The following SACS variants were observed in gnomAD, a reference collection of about 807,000 sequenced individuals.
SACS encodes the protein sacsin.
A neutral mutation model predicts 348.0 loss-of-function variants in SACS; 197 were observed. The observed-to-expected ratio is 0.57, with a 90% confidence interval of 0.50 to 0.64. The LOEUF is 0.64. Among genes scored for constraint, SACS ranks in the 30% least tolerant of loss-of-function variants. The pLI, the probability that SACS is intolerant of heterozygous loss-of-function variation, is 0.00. For synonymous variants in SACS, 1,985 were observed against 1,910.6 expected (o/e 1.04, Z -1.02); for missense variants, 4,999 against 5,360.8 (o/e 0.93, Z 2.11).
In SACS at chr13:23,384,983, C is replaced by T. The variant is rs146061406; in HGVS notation, c.21-9714G>A. 9.2e-5 allele frequency among the ~76,000 whole-genome samples: 14 copies of T among 152,072 alleles called. No homozygotes were observed. The South Asian group carries it at 1.5e-3, about 16-fold the overall frequency. On this transcript the variant is annotated intron_variant, in intron 2 of 9. Coordinates refer to ENST00000382292, the MANE Select transcript of SACS (RefSeq NM_014363.6). ...GTCTTTAAAAATGTACATTCCTGGC[C>T]GGGCATGGTGGCTCACGCCTGTAAT...
In SACS at chr13:23,335,919, T is replaced by C. The variant is rs747127367; in HGVS notation, c.7957A>G (p.Arg2653Gly). 4.3e-6 allele frequency: 7 copies of C among 1,612,844 alleles called. No individual in the cohort carries two copies. The highest frequency in any genetic ancestry group is 5.9e-6 in the Non-Finnish European group (7 of 1,179,052). The change falls in exon 10 of 10, where the codon AGA becomes GGA. Residue 2653 changes from arginine (R) to glycine (G), a missense_variant. Transcript: ENST00000382292. This position sits in a 1 kb window ranked among gnomAD's most constrained non-coding sequence, Gnocchi z 4.7. Reference protein sequence around the residue: ...DILCIFDPHARYAPGATSISP... With the variant: ...DILCIFDPHAGYAPGATSISP... ...ATGGATGTGGCCCCTGGTGCATATC[T>C]GGCATGAGGATCAAAAATACACAGG...
chr13:23,374,804 A>G (rs1871634379), intron 3 of SACS, among the ~76,000 whole-genome samples: 1 of 152,228 alleles, frequency 6.6e-6, no homozygotes, highest in African/African-American at 2.4e-5. Flanking sequence ...ATAAATAGAA[A>G]TAAATGAGTA....
chr13:23,343,589 G>A (rs1394115453), intron 9 of SACS, among the ~76,000 whole-genome samples: 21 of 152,202 alleles, frequency 1.4e-4, no homozygotes, highest in Admixed American at 1.4e-3. Context: ...AGAGGCTGAG[G>A]CAGAGAACTG....
At position 23,339,905 on chromosome 13, in the gene SACS, A is replaced by G. The variant is rs1273573590; in HGVS notation, c.3971T>C (p.Ile1324Thr). Residue 1324 changes from isoleucine to threonine, a missense_variant, in exon 10 of 10, where the codon ATA becomes ACA. Around this residue, in one of 6 missense-constraint regions of SACS, gnomAD observed 3,156 missense variants for 3,380.1 expected, o/e 0.93. Coordinates refer to ENST00000382292, the MANE Select transcript of SACS (RefSeq NM_014363.6). The stretch of plus-strand genomic sequence containing the variant: ...AATATGATCTGATGTCAACTCCTCT[A>G]TTGAACCACAGACCTTAAATAGTTG... ...FHQLFKVCGSIEELTSDHISM... is the reference protein window; with the variant it reads ...FHQLFKVCGSTEELTSDHISM... 6 of 1,613,944 alleles carry G rather than the reference A, an allele frequency of 3.7e-6. No homozygotes were observed. The highest frequency in any genetic ancestry group is 5.1e-6 in the Non-Finnish European group (6 of 1,179,994).
chr13:23,338,788 C>T lies in SACS; in HGVS notation c.5088G>A (p.Lys1696=). 1 of 1,612,534 alleles carries T rather than the reference C, an allele frequency of 6.2e-7. No homozygotes were observed. Among genetic ancestry groups the T allele is most frequent in the Non-Finnish European group, 8.5e-7 (1 of 1,179,690 alleles). Reference sequence around the variant, plus strand: ...GGTTGGTTTCCTCAATTTTCAAGTACTTCAAATACATTGACTTTACACTCT... The same window carrying T: ...GGTTGGTTTCCTCAATTTTCAAGTATTTCAAATACATTGACTTTACACTCT... ...FTQSVKSMYL[K]YLKIEETNPS... is the part of the protein sequence containing the mutation. The change falls in exon 10 of 10, where the codon AAG becomes AAA. Residue 1696 remains lysine (K), a synonymous_variant. Coordinates refer to ENST00000382292, the MANE Select transcript of SACS (RefSeq NM_014363.6).
intron 1 of SACS, 43 bp from the exon 2 acceptor site, chr13:23,411,783 A>C (rs2137963724): frequency 6.4e-6 from 1 of 156,534 alleles, no homozygotes; most frequent in South Asian, 2.0e-4. Flanking sequence ...GGTTAAGGAA[A>C]AGCACTTGAA....
rs747920603 is a variant in SACS at position 23,333,111 on chromosome 13, T to A, written c.10765A>T (p.Ile3589Phe). 6.2e-7 allele frequency: 1 copy of A among 1,613,590 alleles called. No individual in the cohort carries two copies. The highest frequency in any genetic ancestry group is 1.3e-5 in the African/African-American group (1 of 74,924). The change falls in exon 10 of 10, where the codon ATT becomes TTT. Residue 3589 changes from isoleucine to phenylalanine, a missense_variant. By Grantham distance (21) the Ile-to-Phe change is conservative (BLOSUM62 0). Transcript: ENST00000382292. The stretch of plus-strand genomic sequence containing the variant: ...TGAGAAAGTATGTATTTTAGTCCAA[T>A]ATTTCTTAAGAATTCCACCCAGGAT... ...MTSWVEFLRN[I>F]GLKYILSQQQ...
intron 2 of SACS, among the ~76,000 whole-genome samples, chr13:23,410,567 A>G (rs1326878949): frequency 2.0e-5 from 3 of 152,232 alleles, no homozygotes; most frequent in Non-Finnish European, 4.4e-5. Flanking sequence ...TAAAATTTCA[A>G]TTATTGAATG....
In SACS at chr13:23,336,251, T is replaced by A; in HGVS notation, c.7625A>T (p.Glu2542Val). 6.2e-7 allele frequency: 1 copy of A among 1,614,124 alleles called. No homozygotes were observed. Residue 2542 changes from glutamate (E) to valine (V), a missense_variant, in exon 10 of 10, where the codon GAA becomes GTA. Glu to Val is a moderately radical substitution (Grantham distance 121). Around this residue, in one of 6 missense-constraint regions of SACS, gnomAD observed 3,156 missense variants for 3,380.1 expected, o/e 0.93. Coordinates refer to ENST00000382292, the MANE Select transcript of SACS (RefSeq NM_014363.6). ...AAGAAGCTCTTTCAACATTTCCTTT[T>A]CAGAAGGATATGCATTAAGGATGCT... ...IKSILNAYPS[E>V]KEMLKELLQN...
intron 2 of SACS, among the ~76,000 whole-genome samples, chr13:23,403,762 T>G (rs1873083644): frequency 3.9e-5 from 6 of 152,216 alleles, no homozygotes; most frequent in Admixed American, 2.6e-4. Flanking sequence ...TGCTCTGATC[T>G]TAGTTATTTC....
At chr13:23,357,500 G>C (rs112121655) in intron 7 of SACS, among the ~76,000 whole-genome samples, 2,374 of 152,282 alleles carry the variant, frequency 0.016, 59 homozygotes, top group African/African-American at 0.054. Flanking sequence ...CCAGTAGTCT[G>C]AGAATAGTAC....
chr13:23,367,565 A>C (rs191098938), intron 5 of SACS, among the ~76,000 whole-genome samples: 33 of 152,194 alleles, frequency 2.2e-4, no homozygotes, highest in Non-Finnish European at 4.6e-4. Flanking sequence ...TTCTTTGATG[A>C]TTATTGGTTT....
At position 23,333,628 on chromosome 13, in the gene SACS, G is replaced by A; in HGVS notation, c.10248C>T (p.Ile3416=). The A allele has an allele frequency of 6.2e-7, 1 of 1,613,754 alleles. No homozygotes were observed. Among genetic ancestry groups the A allele is most frequent in the Non-Finnish European group, 8.5e-7 (1 of 1,179,772 alleles). ...TTCCAATGCTTACATAGCGGCCACT[G>A]ATGGATTTATAGCACGGAAGTGACT... The part of the protein sequence containing the change: ...ILKSLPCYKS[I]SGRYVSIGKF... Residue 3416 remains isoleucine, a synonymous_variant, in exon 10 of 10, where the codon ATC becomes ATT. Transcript: ENST00000382292.
chr13:23,354,513 C>T lies in SACS; in HGVS notation c.2093+6G>A. ...TGAACAGGAATGTTAGAAGGGGGAC[C>T]CCTACCTTGGATATTCTGCTGAGGT... On this transcript the variant is annotated splice_donor_region_variant and intron_variant, in intron 8 of 9. Transcript: ENST00000382292. 6.2e-7 allele frequency: 1 copy of T among 1,613,318 alleles called. No homozygotes were observed. The highest frequency in any genetic ancestry group is 8.5e-7 in the Non-Finnish European group (1 of 1,179,348).
At chr13:23,407,974 C>G (rs1273742389) in intron 2 of SACS, among the ~76,000 whole-genome samples, 1 of 152,196 alleles carries the variant, frequency 6.6e-6, no homozygotes, top group Admixed American at 6.5e-5. Context: ...ACCCCTCACA[C>G]TGCACATTGG....
intron 1 of SACS, among the ~76,000 whole-genome samples, chr13:23,416,753 TAA>T (rs34241276): frequency 7.3e-5 from 10 of 137,710 alleles, no homozygotes; most frequent in Non-Finnish European, 7.9e-5. Context: ...AACTCCATCT[TAA>T]AAAAAAAAAA....
intron 1 of SACS, among the ~76,000 whole-genome samples, chr13:23,426,414 G>T (rs1874177963): frequency 6.6e-6 from 1 of 152,282 alleles, no homozygotes; most frequent in East Asian, 1.9e-4. Flanking sequence ...GCCAAGGCGG[G>T]CAGATCACCT....
chr13:23,345,921 A>T (rs1483876505), intron 9 of SACS, among the ~76,000 whole-genome samples: 2 of 152,142 alleles, frequency 1.3e-5, no homozygotes, highest in Non-Finnish European at 2.9e-5. Flanking sequence ...AAAAAAAGGC[A>T]GTCAGTAAAA....
In SACS at chr13:23,399,019, C is replaced by CAAAAAAAAAAAAAAAAAAAAAAAAAAA. The variant is rs752943692; in HGVS notation, c.20+12200_20+12201insTTTTTTTTTTTTTTTTTTTTTTTTTTT. On this transcript the variant is annotated intron_variant, in intron 2 of 9. Coordinates refer to ENST00000382292, the MANE Select transcript of SACS (RefSeq NM_014363.6). ...CTGGTAACAGAGTGAGACTCCATCT[C>CAAAAAAAAAAAAAAAAAAAAAAAAAAA]AAAAAAAAAAAAAAAAAACATGGAT... Among the ~76,000 whole-genome samples the CAAAAAAAAAAAAAAAAAAAAAAAAAAA allele has an allele frequency of 6.4e-4, 43 of 67,132 alleles. 5 individuals carry two copies. Among genetic ancestry groups the CAAAAAAAAAAAAAAAAAAAAAAAAAAA allele is most frequent in the Non-Finnish European group, 9.3e-4 (34 of 36,756 alleles). The allele number at this position is 67,132 out of a possible 152,430, so 44.0% of individuals were successfully genotyped here.
Sources: allele counts gnomAD v4.1 joint callset (sites outside exome capture counted in the v4.1 genomes callset), GRCh38; gene constraint gnomAD v4.1.1; regional missense constraint gnomAD v4.1.1; non-coding constraint Gnocchi (gnomAD v3.1); transcripts MANE v1.5; gene names NCBI Gene and HGNC (gene_info 2026-07-23, HGNC 2026-07-21).